The following EPHA6 variants were observed in gnomAD, a reference collection of about 807,000 sequenced individuals.
The protein encoded by EPHA6 is EPH receptor A6, also known as ephrin type-A receptor 6.
EPHA6 carries 50 observed loss-of-function variants against 112.0 expected under a neutral mutation model. The observed-to-expected ratio is 0.45, with a 90% CI of 0.36 to 0.56. The LOEUF (loss-of-function observed/expected upper bound fraction) is 0.56. EPHA6 is among the 20% of genes least tolerant of loss of function. The probability of loss-of-function intolerance (pLI) is 0.00; values close to 1 mark genes in which losing one functional copy is unlikely to be tolerated. For missense variants in EPHA6, 1,280 were observed against 1,417.4 expected (o/e 0.90, Z 1.56); for synonymous variants, 529 against 490.7 (o/e 1.08, Z -1.03).
rs181505369 is a variant in EPHA6 at position 97,316,180 on chromosome 3, G to A, written c.1606+71893G>A. Among the ~76,000 whole-genome samples the A allele has an allele frequency of 6.7e-4, 102 of 151,926 alleles. 5 individuals are homozygous for A. The East Asian group carries it at 9.7e-3, about 14-fold the overall frequency. On this transcript the variant is annotated intron_variant, in intron 5 of 17. Coordinates refer to ENST00000389672, the MANE Select transcript of EPHA6 (RefSeq NM_001080448.3). ...TTTCCCTCAAGATATGGGAGAATAT[G>A]AGCTGTCTTCCTAGCTAGCTATTTC...
chr3:97,052,421 TTTTC>T (rs2108089466), intron 3 of EPHA6, among the ~76,000 whole-genome samples: 1 of 152,240 alleles, frequency 6.6e-6, no homozygotes, highest in South Asian at 2.1e-4. Flanking sequence ...TTTAATTTTT[TTTTC>T]TTTGTCTGTC....
intron 2 of EPHA6, among the ~76,000 whole-genome samples, chr3:96,968,101 G>A (rs867640755): frequency 1.1e-4 from 17 of 150,586 alleles, no homozygotes; most frequent in East Asian, 1.9e-4. Context: ...CTATTTTATC[G>A]GGTGTATATA....
chr3:97,610,886 A>C (rs2093714087), intron 13 of EPHA6, 32 bp downstream of exon 13: 1 of 1,509,740 alleles, frequency 6.6e-7, no homozygotes, highest in African/African-American at 1.4e-5. Flanking sequence ...GCATTTAAAT[A>C]AGCTATTCTC....
intron 7 of EPHA6, among the ~76,000 whole-genome samples, chr3:97,458,158 A>G (rs1168701554): frequency 6.6e-6 from 1 of 151,734 alleles, no homozygotes; most frequent in Admixed American, 6.6e-5. Context: ...TTGAAATTTA[A>G]ATTGAGTAAC....
At chr3:97,099,078 T>C (rs2047329562) in intron 3 of EPHA6, among the ~76,000 whole-genome samples, 1 of 152,004 alleles carries the variant, frequency 6.6e-6, no homozygotes, top group Non-Finnish European at 1.5e-5. Context: ...CCTGAGACTT[T>C]AGACTGTTGA....
At chr3:97,320,703 G>C (rs1400102028) in intron 5 of EPHA6, among the ~76,000 whole-genome samples, 1 of 151,156 alleles carries the variant, frequency 6.6e-6, no homozygotes, top group Non-Finnish European at 1.5e-5. Flanking sequence ...GATAGGCAGA[G>C]AAATGACACT....
At chr3:97,500,474 A>G (rs185285569) in intron 10 of EPHA6, among the ~76,000 whole-genome samples, 2 of 152,044 alleles carry the variant, frequency 1.3e-5, no homozygotes, top group African/African-American at 4.8e-5. Context: ...CAGGTGCTAC[A>G]TACTTGTAAA....
At chr3:97,403,341 GT>G (rs1432069363) in intron 5 of EPHA6, among the ~76,000 whole-genome samples, 4 of 151,958 alleles carry the variant, frequency 2.6e-5, no homozygotes, top group Non-Finnish European at 5.9e-5. Context: ...AAATCACTGT[GT>G]TTAAAGCTAT....
intron 3 of EPHA6, among the ~76,000 whole-genome samples, chr3:97,170,240 G>A (rs1459043870): frequency 6.6e-6 from 1 of 152,080 alleles, no homozygotes; most frequent in African/African-American, 2.4e-5. Context: ...ATGGTTGAAG[G>A]CAATGAGCAA....
At chr3:97,024,201 C>CT (rs140603445) in intron 3 of EPHA6, among the ~76,000 whole-genome samples, 1 of 152,040 alleles carries the variant, frequency 6.6e-6, no homozygotes, top group South Asian at 2.1e-4. Flanking sequence ...TCAACCATAT[C>CT]TTTTTTTCAA....
chr3:96,854,043 G>A (rs2035548363), intron 1 of EPHA6, among the ~76,000 whole-genome samples: 1 of 151,366 alleles, frequency 6.6e-6, no homozygotes, highest in South Asian at 2.1e-4. Context: ...TCTCAGTTAT[G>A]TGTATCTAGT....
chr3:97,693,268 G>C (rs1481213355), intron 14 of EPHA6, among the ~76,000 whole-genome samples: 1 of 152,146 alleles, frequency 6.6e-6, no homozygotes, highest in African/African-American at 2.4e-5. Flanking sequence ...ACCTGAACAG[G>C]AAGAGGCACA....
chr3:97,618,999 T>C (rs1323994116), intron 13 of EPHA6, among the ~76,000 whole-genome samples: 2 of 152,024 alleles, frequency 1.3e-5, no homozygotes, highest in East Asian at 1.9e-4. Flanking sequence ...TAAACATCAA[T>C]GCAAAAATCC....
chr3:97,519,902 G>A (rs2092510601), intron 10 of EPHA6, among the ~76,000 whole-genome samples: 1 of 150,092 alleles, frequency 6.7e-6, no homozygotes, highest in Non-Finnish European at 1.5e-5. Flanking sequence ...GGGTATTTTT[G>A]GATATAAGAT....
At chr3:97,531,856 T>A (rs1049889094) in intron 10 of EPHA6, among the ~76,000 whole-genome samples, 2 of 151,988 alleles carry the variant, frequency 1.3e-5, no homozygotes, top group Admixed American at 6.6e-5. Context: ...TATGGTAGAG[T>A]TCAGTGTGGG....
intron 7 of EPHA6, chr3:97,466,300 A>C: frequency 1.4e-6 from 2 of 1,444,242 alleles, no homozygotes; most frequent in Non-Finnish European, 1.9e-6. Flanking sequence ...CAAGCAACAT[A>C]ATAAACAATG....
rs576008713 is a variant in EPHA6, at chr3:97,113,375, A to G, written c.1115-112889A>G. Among the ~76,000 whole-genome samples, 523 of 152,136 alleles carry G rather than the reference A, an allele frequency of 3.4e-3. 4 individuals are homozygous for G. The highest frequency in any genetic ancestry group is 5.9e-3 in the Non-Finnish European group (403 of 68,000). On this transcript the variant is annotated intron_variant, in intron 3 of 17. Coordinates refer to ENST00000389672, the MANE Select transcript of EPHA6 (RefSeq NM_001080448.3). ...AGATGCAGTTGCCAAAAAAGACTTT[A>G]CCCATCCTCCACAGATTGCTGTGAA... is the stretch of plus-strand genomic sequence containing the variant.
At chr3:96,933,592 TTTG>T (rs1002355978) in intron 2 of EPHA6, among the ~76,000 whole-genome samples, 3 of 152,130 alleles carry the variant, frequency 2.0e-5, no homozygotes, top group African/African-American at 7.2e-5. Context: ...ATTGTACAGT[TTTG>T]TTAACACCTT....
intron 6 of EPHA6, among the ~76,000 whole-genome samples, chr3:97,405,855 T>A (rs2087307161): frequency 6.6e-6 from 1 of 152,098 alleles, no homozygotes; most frequent in South Asian, 2.1e-4. Flanking sequence ...TTATTTCCAT[T>A]TTTGTCATAC....
Sources: allele counts gnomAD v4.1 joint callset (sites outside exome capture counted in the v4.1 genomes callset), GRCh38; gene constraint gnomAD v4.1.1; transcripts MANE v1.5; gene names NCBI Gene and HGNC (gene_info 2026-07-23, HGNC 2026-07-21).